Variants in SNX1 observed in about 807,000 individuals in gnomAD.
SNX1 encodes the protein sorting nexin-1.
SNX1 carries 36 observed loss-of-function variants against 71.8 expected under a neutral mutation model. The observed-to-expected ratio is 0.50, with a 90% CI of 0.38 to 0.66. The LOEUF (loss-of-function observed/expected upper bound fraction) is 0.66, where lower values mean the gene tolerates loss of function less well. Ranked by LOEUF, SNX1 falls within the 30% of genes least tolerant of loss-of-function variation. The pLI is 0.00. For synonymous variants in SNX1, 254 were observed against 240.7 expected (o/e 1.06, Z -0.51); for missense variants, 612 against 646.7 (o/e 0.95, Z 0.58).
rs777344930 is a variant in SNX1, at chr15:64,137,553, C to T, written c.1519-15C>T. The T allele has an allele frequency of 1.9e-6, 3 of 1,614,070 alleles. No individual in the cohort carries two copies. The highest frequency in any genetic ancestry group is 1.7e-5 in the Admixed American group (1 of 60,016). On this transcript the variant is annotated splice_polypyrimidine_tract_variant and intron_variant, in intron 14 of 14. Transcript: ENST00000559844. ...TAGGTGGGGGCACTTGCTTAATGTC[C>T]CCACTTCTTTGCAGCTGGCAAAGTA... is the stretch of plus-strand genomic sequence containing the variant.
intron 2 of SNX1, among the ~76,000 whole-genome samples, chr15:64,117,323 C>T (rs1472665355): frequency 6.6e-6 from 1 of 152,058 alleles, no homozygotes; most frequent in Non-Finnish European, 1.5e-5. Context: ...GGCGCGATCT[C>T]GGCTCACTGC....
chr15:64,137,848 A>G lies in SNX1; in HGVS notation c.*230A>G, dbSNP rs1448127682. ...TCCTGCTTTAAGCAAAAGACCTACAATAGGTGGTGGAATTATGGGATGGGG... is the reference window on the plus strand; with the variant it reads ...TCCTGCTTTAAGCAAAAGACCTACAGTAGGTGGTGGAATTATGGGATGGGG... On this transcript the variant is annotated 3_prime_UTR_variant, in exon 15 of 15. Coordinates refer to ENST00000559844, the MANE Select transcript of SNX1 (RefSeq NM_003099.5). The G allele has an allele frequency of 6.4e-6, 9 of 1,412,354 alleles. No individual in the cohort carries two copies. The highest frequency in any genetic ancestry group is 1.4e-5 in the African/African-American group (1 of 69,484). 87.5% of individuals were successfully genotyped at this position (1,412,354 alleles called of 1,614,324 possible).
intron 1 of SNX1, among the ~76,000 whole-genome samples, chr15:64,108,572 A>C (rs771821368): frequency 4.7e-4 from 72 of 152,180 alleles, no homozygotes; most frequent in Non-Finnish European, 6.5e-4. Flanking sequence ...TAAAAATCTG[A>C]TTTTAAATAA....
chr15:64,128,088 G>A (rs2081271895), intron 8 of SNX1, among the ~76,000 whole-genome samples: 2 of 152,310 alleles, frequency 1.3e-5, no homozygotes, highest in South Asian at 4.1e-4. Context: ...CATGTTGTAG[G>A]TTACTTCTTG....
At chr15:64,120,871 A>G (rs990957225) in intron 4 of SNX1, among the ~76,000 whole-genome samples, 3 of 152,074 alleles carry the variant, frequency 2.0e-5, no homozygotes, top group Admixed American at 2.0e-4. Flanking sequence ...TTTAATTTGA[A>G]CTGTTGAGTT....
intron 1 of SNX1, among the ~76,000 whole-genome samples, chr15:64,109,540 C>T (rs1025741656): frequency 6.6e-6 from 1 of 151,626 alleles, no homozygotes; most frequent in Non-Finnish European, 1.5e-5. Flanking sequence ...GACAGAGTCT[C>T]GTTCTGTTGT....
In SNX1 at chr15:64,118,184, C is replaced by A. The variant is rs774036444; in HGVS notation, c.339C>A (p.Leu113=). Residue 113 remains leucine, a synonymous_variant, in exon 3 of 15, where the codon CTC becomes CTA. Transcript: ENST00000559844. ...AGAAGAAGGTGCTAGCCAAAACACT[C>A]ATTTCTCTTCCTCCTCAGGAAGCCA... The part of the protein sequence containing the change: ...NNQKKVLAKT[L]ISLPPQEATN... 7 of 1,613,544 alleles carry A rather than the reference C, an allele frequency of 4.3e-6. No individual in the cohort carries two copies. The African/African-American group carries it at 6.7e-5, about 15-fold the overall frequency.
At chr15:64,131,044 G>A (rs2081301494) in intron 10 of SNX1, among the ~76,000 whole-genome samples, 1 of 152,170 alleles carries the variant, frequency 6.6e-6, no homozygotes, top group East Asian at 1.9e-4. Context: ...CAGCAATTTG[G>A]GAGGCCGAGG....
chr15:64,103,169 G>A (rs1407585217), intron 1 of SNX1, among the ~76,000 whole-genome samples: 1 of 152,200 alleles, frequency 6.6e-6, no homozygotes, highest in Non-Finnish European at 1.5e-5. Flanking sequence ...TGGGCATGCA[G>A]AAGAAATATA....
chr15:64,131,431 G>A (rs1013763825), intron 10 of SNX1, among the ~76,000 whole-genome samples: 18 of 152,282 alleles, frequency 1.2e-4, no homozygotes, highest in African/African-American at 4.1e-4. Context: ...GGATATTGGA[G>A]CTGCTTCCTT....
At position 64,134,650 on chromosome 15, in the gene SNX1, C is replaced by T. The variant is rs1319106861; in HGVS notation, c.1222-14C>T. The stretch of plus-strand genomic sequence containing the variant: ...AAGAGCTGGTTGTGCTCCTCCTCAA[C>T]CCCACCCCCACAGGCTGCCTTCGAC... On this transcript the variant is annotated splice_polypyrimidine_tract_variant and intron_variant, in intron 11 of 14. Transcript: ENST00000559844. The surrounding 1 kb of genome is among the most constrained non-coding windows in gnomAD (Gnocchi z 4.1). The T allele has an allele frequency of 2.5e-6, 4 of 1,605,420 alleles. No homozygotes were observed. The East Asian group carries it at 6.7e-5, about 27-fold the overall frequency.
At chr15:64,125,842 T>A (rs1327709530) in intron 5 of SNX1, among the ~76,000 whole-genome samples, 1 of 152,186 alleles carries the variant, frequency 6.6e-6, no homozygotes, top group African/African-American at 2.4e-5. Flanking sequence ...TATAATCCTA[T>A]ATATTTTTTG....
chr15:64,108,211 A>G (rs1595980812), intron 1 of SNX1, among the ~76,000 whole-genome samples: 1 of 151,898 alleles, frequency 6.6e-6, no homozygotes, highest in East Asian at 1.9e-4. Context: ...AAAAAAGGTT[A>G]TAAAGCAATG....
In SNX1 at chr15:64,136,313, T is replaced by C. The variant is rs1328827134; in HGVS notation, c.1366-17T>C. 6.2e-7 allele frequency: 1 copy of C among 1,604,264 alleles called. No individual in the cohort carries two copies. The highest frequency in any genetic ancestry group is 8.5e-7 in the Non-Finnish European group (1 of 1,171,042). On this transcript the variant is annotated splice_polypyrimidine_tract_variant and intron_variant, in intron 12 of 14. Transcript: ENST00000559844. ...GCCATAATATGAGGTGATCCTTTCT[T>C]TCCTCTTTCTTCCCAGTGGGAGTCT...
intron 12 of SNX1, 54 bp from the exon 13 acceptor site, chr15:64,136,276 C>T: frequency 1.4e-6 from 2 of 1,395,860 alleles, no homozygotes; most frequent in Non-Finnish European, 2.0e-6. Flanking sequence ...AATGTGAAGG[C>T]TTAATAATGG....
chr15:64,104,274 T>TG (rs1178042293), intron 1 of SNX1, among the ~76,000 whole-genome samples: 64 of 145,646 alleles, frequency 4.4e-4, no homozygotes, highest in Non-Finnish European at 7.7e-4. Flanking sequence ...AGTAAAGGGT[T>TG]TTTTTTTTTT....
At chr15:64,103,987 A>ATGTAT (rs2080991195) in intron 1 of SNX1, among the ~76,000 whole-genome samples, 1 of 152,170 alleles carries the variant, frequency 6.6e-6, no homozygotes, top group African/African-American at 2.4e-5. Flanking sequence ...TTGTTTTTGG[A>ATGTAT]GTTAACATAC....
intron 13 of SNX1, 131 bp downstream of exon 13, chr15:64,136,541 C>A: frequency 1.3e-6 from 1 of 770,218 alleles, no homozygotes. Context: ...CAGGCGTGGC[C>A]TTCTTTGGGG....
chr15:64,127,408 G>A (rs887602322), intron 7 of SNX1, among the ~76,000 whole-genome samples, 156 bp downstream of exon 7: 1 of 152,222 alleles, frequency 6.6e-6, no homozygotes, highest in South Asian at 2.1e-4. Flanking sequence ...TTCCTGAGTC[G>A]CTTATTTTCC....
Sources: allele counts gnomAD v4.1 joint callset (sites outside exome capture counted in the v4.1 genomes callset), GRCh38; gene constraint gnomAD v4.1.1; non-coding constraint Gnocchi (gnomAD v3.1); transcripts MANE v1.5; gene names NCBI Gene and HGNC (gene_info 2026-07-23, HGNC 2026-07-21).